Variants in SIM1 observed in about 807,000 individuals in gnomAD.
SIM1 encodes the protein single-minded homolog 1.
SIM1 carries 18 observed loss-of-function variants against 78.2 expected under a neutral mutation model. That is an observed-to-expected ratio of 0.23 (90% confidence interval 0.16 to 0.34). The LOEUF (loss-of-function observed/expected upper bound fraction) is 0.34. Among genes scored for constraint, SIM1 ranks in the 10% least tolerant of loss-of-function variants. The pLI, the probability that SIM1 is intolerant of heterozygous loss-of-function variation, is 1.00. For missense variants in SIM1, 939 were observed against 975.1 expected (o/e 0.96, Z 0.49); for synonymous variants, 417 against 385.2 (o/e 1.08, Z -0.97).
At chr6:100,444,137 C>T (rs796662155) in intron 9 of SIM1, among the ~76,000 whole-genome samples, 17 of 152,038 alleles carry the variant, frequency 1.1e-4, no homozygotes, top group African/African-American at 4.1e-4. Flanking sequence ...AAAACTAAAG[C>T]TTTCCATCTG....
intron 11 of SIM1, 139 bp from the exon 12 acceptor site, chr6:100,391,230 T>C: frequency 1.1e-6 from 1 of 872,958 alleles, no homozygotes; most frequent in Non-Finnish European, 1.7e-6. Context: ...GCTCACATGA[T>C]GTGAGCACAT....
intron 3 of SIM1, among the ~76,000 whole-genome samples, chr6:100,450,665 GTCTCTCTC>G (rs374252955): frequency 2.0e-4 from 23 of 117,306 alleles, no homozygotes; most frequent in African/African-American, 5.7e-4. Context: ...CACACACACT[GTCTCTCTC>G]TCTCTCTCTC....
At chr6:100,426,120 A>AT (rs532717168) in intron 9 of SIM1, among the ~76,000 whole-genome samples, 2 of 152,118 alleles carry the variant, frequency 1.3e-5, no homozygotes, top group African/African-American at 2.4e-5. Context: ...GAAAAGTTAC[A>AT]TTTTTTTCTC....
intron 10 of SIM1, among the ~76,000 whole-genome samples, chr6:100,411,202 C>T (rs1441475377): frequency 6.6e-6 from 1 of 152,138 alleles, no homozygotes. Flanking sequence ...ATGGCATTTC[C>T]TACACAGCCA....
chr6:100,439,243 A>G (rs909013871), intron 9 of SIM1, among the ~76,000 whole-genome samples: 1 of 152,218 alleles, frequency 6.6e-6, no homozygotes, highest in African/African-American at 2.4e-5. Flanking sequence ...TGATACTAAC[A>G]GTGTTACAAG....
At chr6:100,409,363 A>G (rs1311209618) in intron 10 of SIM1, among the ~76,000 whole-genome samples, 1 of 152,010 alleles carries the variant, frequency 6.6e-6, no homozygotes, top group Admixed American at 6.6e-5. Context: ...AATCATTGAT[A>G]TTTCTGTAGT....
In SIM1 at chr6:100,463,537, T is replaced by C; in HGVS notation, c.-69A>G. On this transcript the variant is annotated 5_prime_UTR_variant, in exon 2 of 12. Coordinates refer to ENST00000369208, the MANE Select transcript of SIM1 (RefSeq NM_005068.3). ...ATTCATCCAAAACCAAAAATAAACT[T>C]TCAATTAGAGATCATATTTGGCAAA... 7.0e-7 allele frequency: 1 copy of C among 1,427,184 alleles called. No homozygotes were observed. The highest frequency in any genetic ancestry group is 9.6e-7 in the Non-Finnish European group (1 of 1,046,078). 88.4% of individuals were successfully genotyped at this position (1,427,184 alleles called of 1,614,324 possible). A position where few individuals can be genotyped will look rare whatever the true frequency, so the allele number is the denominator to read the frequency against.
intron 10 of SIM1, among the ~76,000 whole-genome samples, chr6:100,412,655 AAGAG>A (rs370580427): frequency 0.01 from 979 of 96,644 alleles, 76 homozygotes; most frequent in African/African-American, 0.02. Flanking sequence ...GAAAGAAAGA[AAGAG>A]AGAGAGAGAG....
chr6:100,414,223 C>A (rs1180249891), intron 10 of SIM1, among the ~76,000 whole-genome samples: 1 of 152,182 alleles, frequency 6.6e-6, no homozygotes, highest in African/African-American at 2.4e-5. Context: ...TAGTCATATG[C>A]CAAGAGAATA....
At chr6:100,463,119 C>T (rs1772896587) in intron 2 of SIM1, 175 bp downstream of exon 2, 1 of 543,186 alleles carries the variant, frequency 1.8e-6, no homozygotes, top group Non-Finnish European at 3.2e-6. Flanking sequence ...CTCAAAAAAG[C>T]GACAGAAATT....
intron 9 of SIM1, among the ~76,000 whole-genome samples, chr6:100,444,674 C>T (rs1172346370): frequency 2.0e-5 from 3 of 152,102 alleles, no homozygotes; most frequent in South Asian, 4.1e-4. Flanking sequence ...TTCCTATATG[C>T]CCTGTTGCAA....
intron 10 of SIM1, among the ~76,000 whole-genome samples, chr6:100,412,591 GAAA>G (rs1562239513): frequency 1.9e-4 from 17 of 91,806 alleles, no homozygotes; most frequent in East Asian, 5.4e-4. Flanking sequence ...AAGAAAGAAA[GAAA>G]GAAAGAAAGA....
intron 2 of SIM1, among the ~76,000 whole-genome samples, chr6:100,462,036 C>T (rs1772870361): frequency 6.6e-6 from 1 of 151,868 alleles, no homozygotes; most frequent in Admixed American, 6.6e-5. Context: ...GTTTTTCATG[C>T]TCCACTAATT....
intron 10 of SIM1, among the ~76,000 whole-genome samples, chr6:100,412,652 AG>A (rs1562239863): frequency 1.2e-4 from 14 of 120,780 alleles, no homozygotes; most frequent in African/African-American, 4.1e-4. Context: ...AAAGAAAGAA[AG>A]AAAGAGAGAG....
intron 2 of SIM1, among the ~76,000 whole-genome samples, chr6:100,458,677 C>T (rs1377849409): frequency 6.6e-6 from 1 of 152,196 alleles, no homozygotes; most frequent in Non-Finnish European, 1.5e-5. Context: ...ACCGCGCAGA[C>T]CTGGCTGACT....
At chr6:100,452,882 AG>A (rs1772551019) in intron 3 of SIM1, among the ~76,000 whole-genome samples, 1 of 152,130 alleles carries the variant, frequency 6.6e-6, no homozygotes, top group Admixed American at 6.5e-5. Context: ...GGTATAGGGT[AG>A]TGGTAGGAAA....
At chr6:100,462,019 G>T (rs1389500619) in intron 2 of SIM1, among the ~76,000 whole-genome samples, 3 of 151,744 alleles carry the variant, frequency 2.0e-5, no homozygotes, top group Admixed American at 6.6e-5. Flanking sequence ...CCTTTAGCTT[G>T]GAGCATGTTT....
rs188840080 is a variant in SIM1 at position 100,389,427 on chromosome 6, C to T, written c.*934G>A. 2.8e-5 allele frequency: 11 copies of T among 393,366 alleles called. No homozygotes were observed. In the Admixed American group the frequency reaches 4.0e-4, roughly 14 times the overall value. The allele number at this position is 393,366 out of a possible 1,614,324, so 24.4% of individuals were successfully genotyped here. ...TCCTTTTATTTTTGCACCTATTGGT[C>T]TTTTTTCTGGGTGAATTGGTTTGAA... On this transcript the variant is annotated 3_prime_UTR_variant, in exon 12 of 12. Transcript: ENST00000369208.
chr6:100,416,755 A>G (rs905077447), intron 10 of SIM1, among the ~76,000 whole-genome samples: 9 of 152,170 alleles, frequency 5.9e-5, no homozygotes, highest in Non-Finnish European at 1.2e-4. Context: ...TTCCAACTAA[A>G]TCCATAATGA....
Sources: gnomAD v4.1 joint callset for allele counts (sites outside exome capture counted in the v4.1 genomes callset) on GRCh38, gnomAD v4.1.1 for gene constraint, MANE v1.5 for transcripts, NCBI Gene and HGNC (gene_info 2026-07-23, HGNC 2026-07-21) for gene names.